The following GTF2I variants were observed in gnomAD, a reference collection of about 807,000 sequenced individuals.
The protein encoded by GTF2I is general transcription factor IIi, also known as general transcription factor II-I.
A neutral mutation model predicts 67.6 loss-of-function variants in GTF2I; 12 were observed. The observed-to-expected ratio is 0.18, with a 90% CI of 0.11 to 0.29. The LOEUF (loss-of-function observed/expected upper bound fraction) is 0.29. Ranked by LOEUF, GTF2I falls within the 10% of genes least tolerant of loss-of-function variation. The probability of loss-of-function intolerance (pLI) is 1.00; values close to 1 mark genes in which losing one functional copy is unlikely to be tolerated. For synonymous variants in GTF2I, 149 were observed against 197.0 expected (o/e 0.76, Z 2.04); for missense variants, 271 against 580.1 (o/e 0.47, Z 5.47).
intron 1 of GTF2I, among the ~76,000 whole-genome samples, chr7:74,664,806 A>G (rs1403024727): frequency 6.6e-6 from 1 of 152,156 alleles, no homozygotes; most frequent in Non-Finnish European, 1.5e-5. Flanking sequence ...AAATTTATAA[A>G]TTGAGAGAGG....
chr7:74,702,847 C>T (rs1187842394), intron 6 of GTF2I, among the ~76,000 whole-genome samples: 1 of 151,756 alleles, frequency 6.6e-6, no homozygotes, highest in Non-Finnish European at 1.5e-5. Context: ...AATCCTGCTG[C>T]CTCAGCTTCT....
intron 1 of GTF2I, among the ~76,000 whole-genome samples, chr7:74,674,569 A>G (rs35473599): frequency 0.81 from 123,053 of 151,942 alleles, 50,049 homozygotes; most frequent in East Asian, 0.96. Flanking sequence ...ATGGAGTTTC[A>G]CTCTTGTTGC....
chr7:74,661,499 C>T (rs1375424188), intron 1 of GTF2I, among the ~76,000 whole-genome samples: 1 of 151,854 alleles, frequency 6.6e-6, no homozygotes, highest in East Asian at 1.9e-4. Flanking sequence ...GCCGACATGG[C>T]GAAACCCCGT....
chr7:74,720,393 C>T (rs1002199978), intron 12 of GTF2I, among the ~76,000 whole-genome samples: 1 of 152,148 alleles, frequency 6.6e-6, no homozygotes, highest in Non-Finnish European at 1.5e-5. Context: ...TTCATTGCTT[C>T]TAAAATATAA....
chr7:74,688,318 A>G (rs1787927761), intron 1 of GTF2I, among the ~76,000 whole-genome samples: 2 of 152,178 alleles, frequency 1.3e-5, no homozygotes, highest in Admixed American at 1.3e-4. Context: ...ACCTCAGGTG[A>G]TCCACCTGCC....
At chr7:74,738,844 A>G (rs1321995332) in intron 19 of GTF2I, among the ~76,000 whole-genome samples, 3 of 4,118 alleles carry the variant, frequency 7.3e-4, no homozygotes, top group Admixed American at 6.5e-3. Context: ...AGTACCTGCT[A>G]TATGCATTTA....
At chr7:74,664,441 T>C in intron 1 of GTF2I, among the ~76,000 whole-genome samples, 1 of 152,128 alleles carries the variant, frequency 6.6e-6, no homozygotes, top group South Asian at 2.1e-4. Context: ...TGTTTCTGTT[T>C]TTGTTTTTTT....
intron 6 of GTF2I, among the ~76,000 whole-genome samples, chr7:74,702,428 A>G (rs1789927238): frequency 6.6e-6 from 1 of 152,108 alleles, no homozygotes; most frequent in African/African-American, 2.4e-5. Context: ...AGGTTTCACC[A>G]TGTTGGCCAG....
At chr7:74,725,623 AGTCGAGGCTGCAGT>A (rs1793666971) in intron 12 of GTF2I, among the ~76,000 whole-genome samples, 1 of 152,098 alleles carries the variant, frequency 6.6e-6, no homozygotes, top group South Asian at 2.1e-4. Context: ...GAGCCTGGGA[AGTCGAGGCTGCAGT>A]GAGTGGTGCT....
chr7:74,661,129 C>G (rs1233084307), intron 1 of GTF2I, among the ~76,000 whole-genome samples: 2 of 152,170 alleles, frequency 1.3e-5, no homozygotes, highest in Non-Finnish European at 2.9e-5. Flanking sequence ...TGTGACTCAA[C>G]CCCTAAGCCG....
At position 74,723,123 on chromosome 7, in the gene GTF2I, GTTTTTTTTT is replaced by G. The variant is rs71098008; in HGVS notation, c.943+4192_943+4200del. Among the ~76,000 whole-genome samples the G allele has an allele frequency of 7.1e-3, 943 of 132,200 alleles. 13 individuals are homozygous for G. The highest frequency in any genetic ancestry group is 0.025 in the African/African-American group (897 of 35,790). 86.7% of individuals were successfully genotyped at this position (132,200 alleles called of 152,430 possible). Reference sequence around the variant, plus strand: ...ACATTGTATGTACCAGGTGCTAAGAGTTTTTTTTTTTTTTTTTTGAGACGGAGTTTCGCT... The same window carrying G: ...ACATTGTATGTACCAGGTGCTAAGAGTTTTTTTTTGAGACGGAGTTTCGCT... On this transcript the variant is annotated intron_variant, in intron 12 of 34. Coordinates refer to ENST00000573035, the MANE Select transcript of GTF2I (RefSeq NM_032999.4).
intron 12 of GTF2I, among the ~76,000 whole-genome samples, chr7:74,722,270 G>A (rs782713499): frequency 3.3e-5 from 5 of 152,068 alleles, no homozygotes; most frequent in African/African-American, 4.8e-5. Flanking sequence ...ACTTGGAGTC[G>A]GTGGTAAACA....
At chr7:74,721,711 C>G (rs1793026990) in intron 12 of GTF2I, among the ~76,000 whole-genome samples, 1 of 151,880 alleles carries the variant, frequency 6.6e-6, no homozygotes, top group Admixed American at 6.6e-5. Context: ...AAGATTACTT[C>G]CAAATGGTAG....
intron 1 of GTF2I, among the ~76,000 whole-genome samples, chr7:74,682,848 A>G (rs1212851243): frequency 6.6e-6 from 1 of 152,212 alleles, no homozygotes; most frequent in African/African-American, 2.4e-5. Flanking sequence ...ATAAAATATG[A>G]CTTAGCAGTA....
chr7:74,680,099 A>AAAAAAAAAAAATATATATAT, intron 1 of GTF2I, among the ~76,000 whole-genome samples: 1 of 94,982 alleles, frequency 1.1e-5, no homozygotes, highest in African/African-American at 4.0e-5. Flanking sequence ...AAAAAAAAAA[A>AAAAAAAAAAAATATATATAT]ATATATATAT....
In GTF2I at chr7:74,700,174, C is replaced by T. The variant is rs587750561; in HGVS notation, c.374-73C>T. On this transcript the variant is annotated intron_variant, in intron 4 of 34. Coordinates refer to ENST00000573035, the MANE Select transcript of GTF2I (RefSeq NM_032999.4). ...AATCATGGATGCCCTTATTAAGCCA[C>T]AATAAGCTAGCGATGATTTCATTTT... 2.0e-6 allele frequency: 3 copies of T among 1,496,680 alleles called. No homozygotes were observed. The South Asian group carries it at 3.5e-5, about 18-fold the overall frequency. The allele number at this position is 1,496,680 out of a possible 1,614,324, so 92.7% of individuals were successfully genotyped here.
At chr7:74,700,496 C>T (rs782233836) in intron 5 of GTF2I, 66 bp downstream of exon 5, 37 of 1,597,732 alleles carry the variant, frequency 2.3e-5, no homozygotes, top group Non-Finnish European at 2.8e-5. Context: ...ATTTAGCTTA[C>T]GTTAATGTAT....
chr7:74,673,473 T>G (rs1205941330), intron 1 of GTF2I, among the ~76,000 whole-genome samples: 1 of 151,452 alleles, frequency 6.6e-6, no homozygotes, highest in Non-Finnish European at 1.5e-5. Context: ...CCTCTGCCCC[T>G]CAGGTTCAAG....
Position 74,691,076 on chromosome 7 carries a change from C to G in GTF2I, c.203C>G (p.Thr68Ser). Residue 68 changes from threonine to serine, a missense_variant, in exon 3 of 35, where the codon ACC (threonine) becomes AGC (serine). This residue lies in a region of GTF2I where 72 missense variants were observed against 87.4 expected (regional missense o/e 0.82). Transcript: ENST00000573035. ...GTERGRAFVNTRKDFQKDFVK... is the reference protein window; with the variant it reads ...GTERGRAFVNSRKDFQKDFVK... ...GAAAGAGGACGTGCTTTTGTCAATA[C>G]CAGAAAGGATTTTCAAAAAGATTTT... 6.2e-7 allele frequency: 1 copy of G among 1,608,882 alleles called. No individual in the cohort carries two copies. The highest frequency in any genetic ancestry group is 8.5e-7 in the Non-Finnish European group (1 of 1,176,596).
Sources: gnomAD v4.1 joint callset for allele counts (sites outside exome capture counted in the v4.1 genomes callset) on GRCh38, gnomAD v4.1.1 for gene constraint, gnomAD v4.1.1 regional missense constraint, MANE v1.5 for transcripts, NCBI Gene and HGNC (gene_info 2026-07-23, HGNC 2026-07-21) for gene names.